The following TLE2 variants were observed in gnomAD, a reference collection of about 807,000 sequenced individuals.
TLE2 encodes the protein TLE family member 2, transcriptional corepressor.
TLE2 carries 74 observed loss-of-function variants against 97.2 expected under a neutral mutation model. The observed-to-expected ratio is 0.76, with a 90% CI of 0.63 to 0.92. TLE2 has a LOEUF of 0.92. TLE2 is among the 40% of genes least tolerant of loss of function. The pLI, the probability that TLE2 is intolerant of heterozygous loss-of-function variation, is 0.00. For synonymous variants in TLE2, 499 were observed against 432.1 expected (o/e 1.15, Z -1.92); for missense variants, 1,038 against 1,008.7 (o/e 1.03, Z -0.39).
chr19:3,031,059 T>C (rs1484105460), upstream of TLE2, among the ~76,000 whole-genome samples: 3 of 151,872 alleles, frequency 2.0e-5, no homozygotes, highest in Non-Finnish European at 4.4e-5. Context: ...GCACAGGGAT[T>C]GTAAGGGTGG....
chr19:3,008,687 G>A (rs1226749201), intron 14 of TLE2, among the ~76,000 whole-genome samples, 182 bp downstream of exon 14: 3 of 152,156 alleles, frequency 2.0e-5, no homozygotes, highest in African/African-American at 4.8e-5. Flanking sequence ...CTGACCTAAA[G>A]TGATCCACCT....
upstream of TLE2, among the ~76,000 whole-genome samples, chr19:3,046,772 G>C (rs2090144178): frequency 6.6e-6 from 1 of 152,010 alleles, no homozygotes; most frequent in African/African-American, 2.4e-5. Context: ...GAGAGCCTTG[G>C]AGAAGGGGCT....
At chr19:3,046,917 T>TCCCCCCCCTCCTCTC (rs2090145639), upstream of TLE2, among the ~76,000 whole-genome samples, 1 of 30,458 alleles carries the variant, frequency 3.3e-5, no homozygotes, top group Non-Finnish European at 7.4e-5. Flanking sequence ...CTCCCTCTCC[T>TCCCCCCCCTCCTCTC]CCTCCCCCTC....
intron 14 of TLE2, among the ~76,000 whole-genome samples, chr19:3,008,297 G>C (rs1297026002): frequency 6.6e-6 from 1 of 152,052 alleles, no homozygotes; most frequent in African/African-American, 2.4e-5. Context: ...AGCATCCCTG[G>C]CCTCCACACT....
At chr19:3,018,331 A>T (rs934753888) in intron 7 of TLE2, among the ~76,000 whole-genome samples, 5 of 151,764 alleles carry the variant, frequency 3.3e-5, no homozygotes, top group Non-Finnish European at 7.4e-5. Context: ...TGAATGAGAC[A>T]GAGTCTCACT....
Position 3,006,575 on chromosome 19 carries a change from G to C in TLE2, c.1345C>G (p.Arg449Gly). The C allele has an allele frequency of 6.2e-7, 1 of 1,604,200 alleles. No homozygotes were observed. The highest frequency in any genetic ancestry group is 8.5e-7 in the Non-Finnish European group (1 of 1,176,446). Residue 449 changes from arginine to glycine, a missense_variant, in exon 15 of 20, where the codon CGG becomes GGG. Arg to Gly is a moderately radical substitution (Grantham distance 125). Coordinates refer to ENST00000262953, the MANE Select transcript of TLE2 (RefSeq NM_003260.5). ...CCATGGGCCAGCGTGTGCAGCTGCC[G>C]GGCGTGCCGCGGGATGCCCGCGCCT... ...LVGAGIPRHARQLHTLAHGEV... is the reference protein window; with the variant it reads ...LVGAGIPRHAGQLHTLAHGEV...
At chr19:3,039,224 CCAAAAA>C (rs2090083005) in intron 1 of TLE2, among the ~76,000 whole-genome samples, 1 of 101,004 alleles carries the variant, frequency 9.9e-6, no homozygotes, top group African/African-American at 4.0e-5. Flanking sequence ...TTTCCCCACT[CCAAAAA>C]AAAAAAAAAA....
chr19:3,000,777 G>A, intron 18 of TLE2, 54 bp from the exon 19 acceptor site: 1 of 1,425,800 alleles, frequency 7.0e-7, no homozygotes, highest in Non-Finnish European at 9.7e-7. Context: ...GAGAGACCCG[G>A]GCTGCAGGGG....
intron 1 of TLE2, among the ~76,000 whole-genome samples, chr19:3,039,855 G>A (rs531832673): frequency 3.9e-5 from 6 of 152,322 alleles, no homozygotes; most frequent in African/African-American, 1.4e-4. Flanking sequence ...GAGACCCAGT[G>A]TCACTGATGT....
At chr19:3,013,020 G>A (rs115078972) in intron 11 of TLE2, among the ~76,000 whole-genome samples, 2,387 of 152,228 alleles carry the variant, frequency 0.016, 58 homozygotes, top group African/African-American at 0.055. Flanking sequence ...AACCTCTGGC[G>A]GTTGCCATGG....
Position 3,002,338 on chromosome 19 carries a change from C to T in TLE2, c.2047+15G>A, listed in dbSNP as rs2089380622. ...GGGGTTTTGAGGGCGTGCCACCCCG[C>T]CCCAGAAGACACACCGCAGGAGGCA... On this transcript the variant is annotated intron_variant, in intron 18 of 19. Coordinates refer to ENST00000262953, the MANE Select transcript of TLE2 (RefSeq NM_003260.5). 2 of 1,595,878 alleles carry T rather than the reference C, an allele frequency of 1.3e-6. No homozygotes were observed. The highest frequency in any genetic ancestry group is 4.5e-5 in the East Asian group (2 of 44,282).
chr19:3,000,557 G>A, intron 19 of TLE2, 90 bp downstream of exon 19: 1 of 1,218,746 alleles, frequency 8.2e-7, no homozygotes, highest in Non-Finnish European at 1.2e-6. Context: ...GGGGACCTGG[G>A]GGACAGGGAC....
intron 11 of TLE2, 61 bp downstream of exon 11, chr19:3,013,608 G>A (rs944934385): frequency 5.0e-5 from 65 of 1,310,722 alleles, no homozygotes; most frequent in East Asian, 8.5e-5. Flanking sequence ...ATGGGGTAGC[G>A]TCTGCTTCGG....
intron 1 of TLE2, among the ~76,000 whole-genome samples, chr19:3,039,710 T>C (rs1368824961): frequency 6.6e-6 from 1 of 152,086 alleles, no homozygotes; most frequent in African/African-American, 2.4e-5. Flanking sequence ...GACAAGCCCA[T>C]AGAGGGATAG....
At chr19:3,031,296 C>T (rs2090022638), upstream of TLE2, among the ~76,000 whole-genome samples, 1 of 150,144 alleles carries the variant, frequency 6.7e-6, no homozygotes, top group African/African-American at 2.5e-5. Context: ...GGTTGGGCAG[C>T]TCTGGGAAGG....
chr19:3,024,931 A>G, intron 5 of TLE2, 89 bp downstream of exon 5: 1 of 1,155,604 alleles, frequency 8.7e-7, no homozygotes, highest in Non-Finnish European at 1.2e-6. Flanking sequence ...CGGCAGAATC[A>G]GTGCCTGGGG....
In TLE2 at chr19:3,025,001, C is replaced by T. The variant is rs201556425; in HGVS notation, c.294+19G>A. On this transcript the variant is annotated intron_variant, in intron 5 of 19. Coordinates refer to ENST00000262953, the MANE Select transcript of TLE2 (RefSeq NM_003260.5). ...TCCGGCTCCCTTCCCCTCCTCCCCC[C>T]ACCCCCAGGCCCACTCACCTCCTGG... The T allele has an allele frequency of 1.1e-5, 18 of 1,578,810 alleles. No homozygotes were observed. The East Asian group carries it at 3.5e-4, about 30-fold the overall frequency.
Position 3,014,626 on chromosome 19 carries a change from TG to T in TLE2, c.679-13del. ...TCTTCGTCGCTTTCCTGGGGGAAGATGGGGGAGAGAGCTCATTGTGGTCATG... is the reference window on the plus strand; with the variant it reads ...TCTTCGTCGCTTTCCTGGGGGAAGATGGGGAGAGAGCTCATTGTGGTCATG... On this transcript the variant is annotated splice_polypyrimidine_tract_variant and intron_variant, in intron 9 of 19. Transcript: ENST00000262953. The T allele has an allele frequency of 6.3e-7, 1 of 1,589,960 alleles. No individual in the cohort carries two copies.
chr19:3,001,791 CTTTTTTTTTTT>C (rs562875053), intron 18 of TLE2, among the ~76,000 whole-genome samples: 1 of 111,468 alleles, frequency 9.0e-6, no homozygotes, highest in African/African-American at 3.6e-5. Flanking sequence ...TCTTTTCTTT[CTTTTTTTTTTT>C]TTTTTTTTTT....
Sources: gnomAD v4.1 joint callset for allele counts (sites outside exome capture counted in the v4.1 genomes callset) on GRCh38, gnomAD v4.1.1 for gene constraint, MANE v1.5 for transcripts, NCBI Gene and HGNC (gene_info 2026-07-23, HGNC 2026-07-21) for gene names.